Variants in PTPRD observed in about 807,000 individuals in gnomAD.
PTPRD encodes protein tyrosine phosphatase receptor type D.
Under a neutral mutation model 214.5 loss-of-function variants are expected in PTPRD, and 34 were observed. The ratio of observed to expected loss-of-function variants is 0.16; its 90% CI spans 0.12 to 0.21. The LOEUF (loss-of-function observed/expected upper bound fraction) is 0.21. Ranked by LOEUF, PTPRD falls within the 10% of genes least tolerant of loss-of-function variation. The pLI is 1.00. For synonymous variants in PTPRD, 1,128 were observed against 845.7 expected, an observed-to-expected ratio of 1.33 and a Z score of -5.79; for missense variants, 2,545 against 2,398.7, an observed-to-expected ratio of 1.06 and a Z score of -1.27.
intron 14 of PTPRD, among the ~76,000 whole-genome samples, chr9:8,551,760 C>G (rs981314013): frequency 6.6e-6 from 1 of 152,176 alleles, no homozygotes; most frequent in Non-Finnish European, 1.5e-5. Flanking sequence ...AGAAAGTCCA[C>G]AAAATGTTGA....
intron 7 of PTPRD, among the ~76,000 whole-genome samples, chr9:9,680,449 T>C (rs1448038749): frequency 6.6e-6 from 1 of 151,868 alleles, no homozygotes; most frequent in Non-Finnish European, 1.5e-5. Context: ...TACTTCTAGG[T>C]TTAAAAGTTC....
chr9:8,647,675 A>G (rs1486398089), intron 12 of PTPRD, among the ~76,000 whole-genome samples: 1 of 152,224 alleles, frequency 6.6e-6, no homozygotes, highest in Non-Finnish European at 1.5e-5. Flanking sequence ...AAAAAAGTAT[A>G]TTTTTAAGGC....
chr9:9,963,545 A>G (rs991567021), intron 4 of PTPRD, among the ~76,000 whole-genome samples: 1 of 152,196 alleles, frequency 6.6e-6, no homozygotes, highest in Non-Finnish European at 1.5e-5. Flanking sequence ...TCAAGGAAAT[A>G]CAGTGGCAAC....
intron 9 of PTPRD, among the ~76,000 whole-genome samples, chr9:9,370,653 A>AC (rs1242924315): frequency 6.6e-6 from 1 of 151,716 alleles, no homozygotes; most frequent in Non-Finnish European, 1.5e-5. Context: ...ACTATGTTGA[A>AC]TAGGAGTGGT....
Position 8,528,687 on chromosome 9 carries a change from C to A in PTPRD, c.445G>T (p.Ala149Ser), listed in dbSNP as rs143793113. The part of the protein sequence containing the change: ...RTRTATMLCA[A>S]SGNPDPEITW... ...ATTTCTGGATCCGGATTACCACTGGCTGCACAAAGCATGGTGGCCGTGCGA... is the reference window on the plus strand; with the variant it reads ...ATTTCTGGATCCGGATTACCACTGGATGCACAAAGCATGGTGGCCGTGCGA... The change falls in exon 15 of 46, where the codon GCC becomes TCC. Residue 149 changes from alanine to serine, a missense_variant. Coordinates refer to ENST00000381196, the MANE Select transcript of PTPRD (RefSeq NM_002839.4). The A allele has an allele frequency of 1.5e-5, 25 of 1,613,602 alleles. No individual in the cohort carries two copies. Among genetic ancestry groups the A allele is most frequent in the Non-Finnish European group, 2.0e-5 (24 of 1,179,760 alleles).
At chr9:9,167,325 G>A (rs2099906199) in intron 10 of PTPRD, among the ~76,000 whole-genome samples, 1 of 137,724 alleles carries the variant, frequency 7.3e-6, no homozygotes, top group African/African-American at 2.8e-5. Context: ...TGCTATATGG[G>A]GTTTGTGTGT....
chr9:9,119,540 T>TC (rs2099815618), intron 10 of PTPRD, among the ~76,000 whole-genome samples: 1 of 152,114 alleles, frequency 6.6e-6, no homozygotes, highest in Non-Finnish European at 1.5e-5. Flanking sequence ...TCTGTGATTT[T>TC]TTTTTTTTTT....
rs927885831 is a variant in PTPRD at position 10,434,492 on chromosome 9, A to G, written c.-599-93475T>C. On this transcript the variant is annotated intron_variant, in intron 2 of 45. Transcript: ENST00000381196. ...CATCTTATATTTATTCTAGCAACCT[A>G]AATATTCAAGAGTTTAAGAAAGGAG... 7.2e-5 allele frequency among the ~76,000 whole-genome samples: 11 copies of G among 152,026 alleles called. No homozygotes were observed. The South Asian group carries it at 2.3e-3, about 32-fold the overall frequency.
intron 3 of PTPRD, among the ~76,000 whole-genome samples, chr9:10,180,622 A>C (rs894926427): frequency 6.0e-5 from 9 of 150,244 alleles, no homozygotes; most frequent in African/African-American, 1.7e-4. Flanking sequence ...AAAAAAAAAA[A>C]CTCATGGGCT....
chr9:8,678,088 C>G (rs2097469792), intron 12 of PTPRD, among the ~76,000 whole-genome samples: 1 of 152,100 alleles, frequency 6.6e-6, no homozygotes, highest in Non-Finnish European at 1.5e-5. Flanking sequence ...ACAGGCAAAA[C>G]TTTACATGGG....
At chr9:9,650,645 A>T (rs1215809581) in intron 7 of PTPRD, among the ~76,000 whole-genome samples, 1 of 152,144 alleles carries the variant, frequency 6.6e-6, no homozygotes, top group East Asian at 1.9e-4. Context: ...GGGTGAGAGG[A>T]GAGATAGTAT....
intron 3 of PTPRD, among the ~76,000 whole-genome samples, chr9:10,072,363 G>T (rs1248026641): frequency 6.6e-6 from 1 of 152,074 alleles, no homozygotes; most frequent in Non-Finnish European, 1.5e-5. Context: ...TCCAGAGTTG[G>T]TTCCTTCCAG....
intron 33 of PTPRD, among the ~76,000 whole-genome samples, chr9:8,458,076 T>C (rs1332443339): frequency 1.3e-5 from 2 of 152,192 alleles, no homozygotes; most frequent in Non-Finnish European, 2.9e-5. Context: ...GGCCTTCAGA[T>C]GGTTAGCTAA....
chr9:10,589,860 T>C (rs1221044214), intron 2 of PTPRD, among the ~76,000 whole-genome samples: 2 of 152,056 alleles, frequency 1.3e-5, no homozygotes, highest in African/African-American at 4.8e-5. Flanking sequence ...CTGGAACGCC[T>C]AAGAATATTT....
rs573205762 is a variant in PTPRD, at chr9:8,502,273, T to C, written c.1823-1214A>G. On this transcript the variant is annotated intron_variant, in intron 23 of 45. Coordinates refer to ENST00000381196, the MANE Select transcript of PTPRD (RefSeq NM_002839.4). ...AGTGGGCAAAGATAACACAAGTCCATACACACACGCATATATTTTTAAAGC... is the reference window on the plus strand; with the variant it reads ...AGTGGGCAAAGATAACACAAGTCCACACACACACGCATATATTTTTAAAGC... Among the ~76,000 whole-genome samples, 4 of 152,258 alleles carry C rather than the reference T, an allele frequency of 2.6e-5. No homozygotes were observed. In the South Asian group the frequency reaches 6.2e-4, roughly 24 times the overall value.
intron 5 of PTPRD, among the ~76,000 whole-genome samples, chr9:9,925,282 T>C (rs1388578138): frequency 6.6e-6 from 1 of 152,052 alleles, no homozygotes; most frequent in African/African-American, 2.4e-5. Flanking sequence ...AATTGTTGCC[T>C]TACTAAACAG....
chr9:8,797,586 T>C (rs1471420288), intron 11 of PTPRD, among the ~76,000 whole-genome samples: 1 of 152,210 alleles, frequency 6.6e-6, no homozygotes, highest in African/African-American at 2.4e-5. Flanking sequence ...AACATCCCAC[T>C]ATCCAGCAGA....
At chr9:9,410,127 A>C (rs1185899250) in intron 8 of PTPRD, among the ~76,000 whole-genome samples, 2 of 152,198 alleles carry the variant, frequency 1.3e-5, no homozygotes, top group African/African-American at 4.8e-5. Flanking sequence ...ATGTCTTTAA[A>C]GACAGCATCA....
chr9:9,357,921 C>A (rs1477448787), intron 9 of PTPRD, among the ~76,000 whole-genome samples: 3 of 151,160 alleles, frequency 2.0e-5, no homozygotes, highest in Non-Finnish European at 4.4e-5. Flanking sequence ...TTTCCTTTTA[C>A]ATTTCTATTC....
Sources: gnomAD v4.1 joint callset for allele counts (sites outside exome capture counted in the v4.1 genomes callset) on GRCh38, gnomAD v4.1.1 for gene constraint, MANE v1.5 for transcripts, NCBI Gene and HGNC (gene_info 2026-07-23, HGNC 2026-07-21) for gene names.